SPECC1: variants seen among roughly 807,000 people sequenced by gnomAD.
SPECC1 encodes the protein sperm antigen with calponin homology and coiled-coil domains 1.
Under a neutral mutation model 104.1 loss-of-function variants are expected in SPECC1, and 62 were observed. The ratio of observed to expected loss-of-function variants is 0.60; its 90% CI spans 0.49 to 0.74. SPECC1 has a LOEUF of 0.74. Among genes scored for constraint, SPECC1 ranks in the 30% least tolerant of loss-of-function variants. SPECC1 has a pLI of 0.00. For missense variants in SPECC1, 1,306 were observed against 1,310.5 expected (o/e 1.00, Z 0.05); for synonymous variants, 513 against 501.6 (o/e 1.02, Z -0.30).
At chr17:20,240,048 C>G (rs2039128757) in intron 7 of SPECC1, among the ~76,000 whole-genome samples, 1 of 138,944 alleles carries the variant, frequency 7.2e-6, no homozygotes, top group Non-Finnish European at 1.5e-5. Flanking sequence ...GGCACACCAC[C>G]ATGTCCAGCT....
At position 20,314,018 on chromosome 17, in the gene SPECC1, A is replaced by T. The variant is rs2041999344; in HGVS notation, c.3160A>T (p.Ser1054Cys). 1 of 1,614,164 alleles carries T rather than the reference A, an allele frequency of 6.2e-7. No homozygotes were observed. The change falls in exon 15 of 15, where the codon AGT becomes TGT. Residue 1054 changes from serine to cysteine, a missense_variant. By Grantham distance (112) the Ser-to-Cys change is moderately radical (BLOSUM62 -1). Around this residue, in one of 2 missense-constraint regions of SPECC1, gnomAD observed 129 missense variants for 170.6 expected, o/e 0.76. Coordinates refer to ENST00000395527, the MANE Select transcript of SPECC1 (RefSeq NM_001243439.2). Reference protein sequence around the residue: ...MLYTDRPDWQSVMQYVAQIYK... With the variant: ...MLYTDRPDWQCVMQYVAQIYK... The stretch of plus-strand genomic sequence containing the variant: ...GTACACAGACCGGCCCGACTGGCAG[A>T]GTGTGATGCAGTACGTGGCCCAAAT...
intron 13 of SPECC1, among the ~76,000 whole-genome samples, chr17:20,304,092 C>T (rs923164697): frequency 6.3e-5 from 8 of 126,112 alleles, no homozygotes; most frequent in African/African-American, 1.2e-4. Flanking sequence ...GTCAACATGA[C>T]GAAACCCCTT....
intron 10 of SPECC1, among the ~76,000 whole-genome samples, chr17:20,255,110 C>T (rs944699663): frequency 1.3e-5 from 2 of 152,070 alleles, no homozygotes; most frequent in African/African-American, 4.8e-5. Flanking sequence ...GGTGATTGCT[C>T]GAGTAATAGC....
rs544547895 is a variant in SPECC1 at position 20,289,264 on chromosome 17, A to G, written c.2941-7697A>G. Among the ~76,000 whole-genome samples, 6 of 152,318 alleles carry G rather than the reference A, an allele frequency of 3.9e-5. No homozygotes were observed. In the East Asian group the frequency reaches 1.2e-3, roughly 29 times the overall value. ...TGGGTCCCTCCCACAACACTTGAGA[A>G]TTCTGGGAAATACAATTCAAGTTGA... On this transcript the variant is annotated intron_variant, in intron 12 of 14. Coordinates refer to ENST00000395527, the MANE Select transcript of SPECC1 (RefSeq NM_001243439.2).
At chr17:20,121,097 G>T (rs1006009836) in intron 3 of SPECC1, among the ~76,000 whole-genome samples, 1 of 152,046 alleles carries the variant, frequency 6.6e-6, no homozygotes, top group African/African-American at 2.4e-5. Flanking sequence ...TCACAAAAGG[G>T]GCTTCTATTT....
At chr17:20,108,526 T>C (rs900843049) in intron 2 of SPECC1, among the ~76,000 whole-genome samples, 4 of 152,354 alleles carry the variant, frequency 2.6e-5, no homozygotes, top group Middle Eastern at 6.8e-3. Flanking sequence ...TTCTGACTTA[T>C]ATTACCATCA....
At chr17:20,270,467 A>C (rs1036066401) in intron 12 of SPECC1, among the ~76,000 whole-genome samples, 85 of 108,220 alleles carry the variant, frequency 7.9e-4, no homozygotes, top group Non-Finnish European at 1.2e-3. Context: ...AAAAAAAAAA[A>C]CATTAGCCGG....
intron 9 of SPECC1, among the ~76,000 whole-genome samples, chr17:20,252,963 G>A (rs1439189413): frequency 2.0e-5 from 3 of 151,694 alleles, no homozygotes; most frequent in African/African-American, 7.3e-5. Flanking sequence ...CGTAATGGCT[G>A]CACCATTGTA....
At chr17:20,142,840 A>AC (rs397709254) in intron 3 of SPECC1, among the ~76,000 whole-genome samples, 1 of 150,440 alleles carries the variant, frequency 6.6e-6, no homozygotes, top group Non-Finnish European at 1.5e-5. Flanking sequence ...AAAAAAAAAA[A>AC]CCAACAAAAA....
intron 1 of SPECC1, among the ~76,000 whole-genome samples, chr17:20,053,848 A>G (rs2152463769): frequency 6.6e-6 from 1 of 152,356 alleles, no homozygotes; most frequent in Middle Eastern, 3.4e-3. Context: ...TGGCCCACAG[A>G]AACTGGGAGA....
chr17:20,258,939 A>T (rs1011040872), intron 11 of SPECC1, among the ~76,000 whole-genome samples: 1 of 152,218 alleles, frequency 6.6e-6, no homozygotes, highest in African/African-American at 2.4e-5. Context: ...GTTGACAGTA[A>T]AAGTTCAACT....
At chr17:20,235,867 T>C (rs1470564984) in intron 7 of SPECC1, among the ~76,000 whole-genome samples, 1 of 127,300 alleles carries the variant, frequency 7.9e-6, no homozygotes, top group Non-Finnish European at 1.8e-5. Flanking sequence ...GTTCTTGCAT[T>C]GTCCCCTCTT....
chr17:20,274,148 C>T (rs943289038), intron 12 of SPECC1, among the ~76,000 whole-genome samples: 4 of 152,168 alleles, frequency 2.6e-5, no homozygotes, highest in Non-Finnish European at 5.9e-5. Flanking sequence ...TTATTTTTCC[C>T]CCAGATGGAT....
At chr17:20,162,971 T>C (rs2151137759) in intron 3 of SPECC1, among the ~76,000 whole-genome samples, 1 of 152,316 alleles carries the variant, frequency 6.6e-6, no homozygotes, top group Middle Eastern at 3.4e-3. Context: ...GAGGTTGCGG[T>C]GAGCCAAGAT....
chr17:20,211,383 T>C (rs1243472008), intron 4 of SPECC1, among the ~76,000 whole-genome samples: 1 of 152,118 alleles, frequency 6.6e-6, no homozygotes, highest in Non-Finnish European at 1.5e-5. Context: ...GGGCAAGCCA[T>C]GAGGATGTGG....
intron 12 of SPECC1, among the ~76,000 whole-genome samples, chr17:20,295,190 G>A (rs2041307715): frequency 8.4e-6 from 1 of 118,994 alleles, no homozygotes; most frequent in Admixed American, 1.1e-4. Flanking sequence ...CCCATGACAG[G>A]CCCCGGTGTG....
chr17:20,047,233 A>G (rs2045573372), intron 1 of SPECC1, among the ~76,000 whole-genome samples: 1 of 152,148 alleles, frequency 6.6e-6, no homozygotes, highest in African/African-American at 2.4e-5. Context: ...AATGCGTGAC[A>G]TTCTAACTTG....
intron 14 of SPECC1, among the ~76,000 whole-genome samples, chr17:20,306,498 G>A (rs896018989): frequency 1.3e-5 from 2 of 152,248 alleles, no homozygotes; most frequent in African/African-American, 2.4e-5. Flanking sequence ...GCAGGGGTGG[G>A]TGGGGGATGG....
intron 13 of SPECC1, among the ~76,000 whole-genome samples, chr17:20,298,708 G>A (rs1321105017): frequency 6.6e-6 from 1 of 152,040 alleles, no homozygotes; most frequent in Non-Finnish European, 1.5e-5. Context: ...TAGGGGAGGA[G>A]GAGAGGAAGG....
Sources: gnomAD v4.1 joint callset for allele counts (sites outside exome capture counted in the v4.1 genomes callset) on GRCh38, gnomAD v4.1.1 for gene constraint, gnomAD v4.1.1 regional missense constraint, MANE v1.5 for transcripts, NCBI Gene and HGNC (gene_info 2026-07-23, HGNC 2026-07-21) for gene names.